Variants in AFG1L observed in about 807,000 individuals in gnomAD.
AFG1L encodes the protein AFG1-like ATPase.
In AFG1L, 53 loss-of-function variants were observed where a neutral mutation model predicts 62.2. The observed-to-expected ratio is 0.85, with a 90% CI of 0.68 to 1.07. The LOEUF is 1.07. AFG1L is among the 50% of genes least tolerant of loss of function. The pLI, the probability that AFG1L is intolerant of heterozygous loss-of-function variation, is 0.00. For missense variants in AFG1L, 555 were observed against 590.5 expected (o/e 0.94, Z 0.62); for synonymous variants, 228 against 210.3 (o/e 1.08, Z -0.73).
chr6:108,381,747 A>G (rs1780535118), intron 6 of AFG1L, among the ~76,000 whole-genome samples: 1 of 152,228 alleles, frequency 6.6e-6, no homozygotes, highest in Non-Finnish European at 1.5e-5. Context: ...GTGGATGAAG[A>G]CTCTGACAAC....
At chr6:108,434,140 C>G (rs1430549782) in intron 7 of AFG1L, among the ~76,000 whole-genome samples, 1 of 152,202 alleles carries the variant, frequency 6.6e-6, no homozygotes, top group Non-Finnish European at 1.5e-5. Context: ...GGTTCTGACA[C>G]ATGTATATTG....
chr6:108,407,287 C>T (rs1252013033), intron 7 of AFG1L, among the ~76,000 whole-genome samples: 2 of 152,118 alleles, frequency 1.3e-5, no homozygotes, highest in Non-Finnish European at 2.9e-5. Flanking sequence ...CCTTTTCCTG[C>T]TCCTTTGGCT....
chr6:108,519,603 T>G (rs1455270539), intron 11 of AFG1L, 94 bp from the exon 12 acceptor site: 8 of 688,410 alleles, frequency 1.2e-5, no homozygotes, highest in Admixed American at 9.9e-5. Context: ...AGCTCCTGTA[T>G]GTGAAAAACA....
chr6:108,416,242 T>C (rs1162569382), intron 7 of AFG1L, among the ~76,000 whole-genome samples: 3 of 152,218 alleles, frequency 2.0e-5, no homozygotes, highest in African/African-American at 4.8e-5. Context: ...ATACCAGTTT[T>C]AGAATGGCAA....
chr6:108,479,647 A>G (rs1408010716), intron 10 of AFG1L, among the ~76,000 whole-genome samples: 3 of 152,230 alleles, frequency 2.0e-5, no homozygotes, highest in African/African-American at 7.2e-5. Context: ...GAAGAGGACA[A>G]TTGAAATCCC....
intron 1 of AFG1L, among the ~76,000 whole-genome samples, chr6:108,320,856 C>T (rs1461063069): frequency 1.3e-5 from 2 of 152,002 alleles, no homozygotes; most frequent in Non-Finnish European, 2.9e-5. Flanking sequence ...TGAGTAGCAT[C>T]GATGATTGAT....
chr6:108,335,217 T>A (rs1778432931), intron 2 of AFG1L, among the ~76,000 whole-genome samples: 1 of 152,004 alleles, frequency 6.6e-6, no homozygotes, highest in Non-Finnish European at 1.5e-5. Context: ...GTGATCTTCC[T>A]ACCTTGGCCT....
chr6:108,357,372 C>T (rs1490176341), intron 5 of AFG1L, among the ~76,000 whole-genome samples: 4 of 152,140 alleles, frequency 2.6e-5, no homozygotes, highest in African/African-American at 7.2e-5. Flanking sequence ...TGAGCCATGA[C>T]ACCCAGCCAA....
chr6:108,407,000 T>C (rs1781884839), intron 7 of AFG1L, among the ~76,000 whole-genome samples: 1 of 152,026 alleles, frequency 6.6e-6, no homozygotes, highest in South Asian at 2.1e-4. Context: ...GGAAAGAGGG[T>C]TCTGACTCCC....
At chr6:108,452,679 T>C (rs1014664997) in intron 8 of AFG1L, among the ~76,000 whole-genome samples, 1 of 152,198 alleles carries the variant, frequency 6.6e-6, no homozygotes, top group Non-Finnish European at 1.5e-5. Context: ...AACAGAGACC[T>C]GGGTCAGAGA....
At chr6:108,482,103 T>C (rs1178632438) in intron 10 of AFG1L, among the ~76,000 whole-genome samples, 1 of 152,216 alleles carries the variant, frequency 6.6e-6, no homozygotes, top group African/African-American at 2.4e-5. Context: ...GATGGTGATA[T>C]TAACACATGC....
intron 3 of AFG1L, among the ~76,000 whole-genome samples, chr6:108,351,477 A>G (rs1287839228): frequency 1.3e-5 from 2 of 152,176 alleles, no homozygotes; most frequent in African/African-American, 4.8e-5. Flanking sequence ...TAGATTCTTT[A>G]GGATTTTTTT....
At chr6:108,340,514 G>A (rs1219474548) in intron 2 of AFG1L, among the ~76,000 whole-genome samples, 1 of 151,986 alleles carries the variant, frequency 6.6e-6, no homozygotes, top group Non-Finnish European at 1.5e-5. Context: ...ACAGGCGTGT[G>A]CCACCACAGC....
At chr6:108,336,779 T>G (rs1778492757) in intron 2 of AFG1L, among the ~76,000 whole-genome samples, 1 of 152,250 alleles carries the variant, frequency 6.6e-6, no homozygotes. Flanking sequence ...CACTAATGGT[T>G]AATATTTTGC....
intron 7 of AFG1L, among the ~76,000 whole-genome samples, chr6:108,439,734 A>G (rs1210553270): frequency 6.6e-6 from 1 of 152,196 alleles, no homozygotes; most frequent in East Asian, 1.9e-4. Flanking sequence ...TAAAATATGG[A>G]GCAGCTTATG....
At chr6:108,388,507 G>T (rs1377576626) in intron 6 of AFG1L, among the ~76,000 whole-genome samples, 1 of 152,020 alleles carries the variant, frequency 6.6e-6, no homozygotes, top group Non-Finnish European at 1.5e-5. Context: ...TTCTCCTGTG[G>T]GCATTTAGTG....
At chr6:108,300,016 T>C (rs370617628) in intron 1 of AFG1L, among the ~76,000 whole-genome samples, 13 of 152,310 alleles carry the variant, frequency 8.5e-5, no homozygotes, top group African/African-American at 3.1e-4. Flanking sequence ...AATATGAGGA[T>C]CACATCTTAT....
intron 8 of AFG1L, among the ~76,000 whole-genome samples, chr6:108,470,587 TC>T (rs1725005027): frequency 6.6e-6 from 1 of 152,164 alleles, no homozygotes; most frequent in African/African-American, 2.4e-5. Context: ...TGCTTACTCT[TC>T]CATTGTATAA....
chr6:108,326,986 C>A (rs1778070669), intron 2 of AFG1L, among the ~76,000 whole-genome samples: 1 of 151,622 alleles, frequency 6.6e-6, no homozygotes. Context: ...GGTGGCTGAA[C>A]CTATAATCCT....
Sources: gnomAD v4.1 joint callset for allele counts (sites outside exome capture counted in the v4.1 genomes callset) on GRCh38, gnomAD v4.1.1 for gene constraint, MANE v1.5 for transcripts, NCBI Gene and HGNC (gene_info 2026-07-23, HGNC 2026-07-21) for gene names.